PIK3C2G: variants seen among roughly 807,000 people sequenced by gnomAD.
PIK3C2G encodes the protein phosphatidylinositol 3-kinase C2 domain-containing subunit gamma.
In PIK3C2G, 168 loss-of-function variants were observed where a neutral mutation model predicts 181.1. The observed-to-expected ratio is 0.93, with a 90% CI of 0.82 to 1.05. The LOEUF (loss-of-function observed/expected upper bound fraction) is 1.05. PIK3C2G is among the 50% of genes least tolerant of loss of function. PIK3C2G has a pLI of 0.00. For synonymous variants in PIK3C2G, 573 were observed against 592.2 expected (o/e 0.97, Z 0.47); for missense variants, 1,869 against 1,732.8 (o/e 1.08, Z -1.40).
intron 1 of PIK3C2G, among the ~76,000 whole-genome samples, chr12:18,276,848 T>C (rs1380892155): frequency 6.6e-6 from 1 of 152,214 alleles, no homozygotes; most frequent in Non-Finnish European, 1.5e-5. Flanking sequence ...TTAAAGTCAA[T>C]ATCTCTCAAA....
the PIK3C2G span, among the ~76,000 whole-genome samples, chr12:18,686,156 T>C: frequency 2.0e-5 from 3 of 151,962 alleles, no homozygotes. Context: ...TGCCACGGCC[T>C]CCTTTATACC....
At chr12:18,481,562 CTTAA>C (rs1339555366) in intron 18 of PIK3C2G, among the ~76,000 whole-genome samples, 3 of 152,154 alleles carry the variant, frequency 2.0e-5, no homozygotes, top group Non-Finnish European at 4.4e-5. Context: ...AAGGATTTTA[CTTAA>C]TTATCATGAC....
intron 31 of PIK3C2G, among the ~76,000 whole-genome samples, chr12:18,622,813 A>G (rs1308794854): frequency 6.6e-6 from 1 of 151,486 alleles, no homozygotes; most frequent in African/African-American, 2.4e-5. Flanking sequence ...GATGTTGAGC[A>G]TTTTTTTCAT....
chr12:18,269,427 G>A (rs754818590), intron 1 of PIK3C2G, among the ~76,000 whole-genome samples: 1 of 152,058 alleles, frequency 6.6e-6, no homozygotes, highest in African/African-American at 2.4e-5. Context: ...CCTGCATCTG[G>A]GCAGAGGGCA....
At chr12:18,482,785 G>A (rs574927352) in intron 18 of PIK3C2G, among the ~76,000 whole-genome samples, 2 of 152,178 alleles carry the variant, frequency 1.3e-5, no homozygotes, top group Admixed American at 1.3e-4. Flanking sequence ...TTCCCCACTG[G>A]ACTTTGAAAG....
chr12:18,346,223 A>G (rs1939655945), intron 10 of PIK3C2G, among the ~76,000 whole-genome samples: 1 of 152,336 alleles, frequency 6.6e-6, no homozygotes, highest in East Asian at 1.9e-4. Context: ...TGATAGCATC[A>G]TCAAATTTAT....
chr12:18,591,112 A>G (rs1428658300), intron 29 of PIK3C2G, among the ~76,000 whole-genome samples: 2 of 151,942 alleles, frequency 1.3e-5, no homozygotes, highest in Admixed American at 6.6e-5. Flanking sequence ...CTTTCAAAAT[A>G]AAAAATCTTG....
In PIK3C2G at chr12:18,294,032, A is replaced by C. The variant is rs1374849962; in HGVS notation, c.1034+17A>C. ...TTTACAAAAGTAAGTATTTTATGAA[A>C]TTTTGGTTGTATTATAATCTGTAAA... On this transcript the variant is annotated intron_variant, in intron 5 of 32. Transcript: ENST00000538779. 6.6e-6 allele frequency: 8 copies of C among 1,209,904 alleles called. No individual in the cohort carries two copies. The highest frequency in any genetic ancestry group is 9.7e-6 in the Non-Finnish European group (8 of 821,342). 74.9% of individuals were successfully genotyped at this position (1,209,904 alleles called of 1,614,324 possible).
the PIK3C2G span, among the ~76,000 whole-genome samples, chr12:18,698,528 G>A: frequency 6.6e-6 from 1 of 152,120 alleles, no homozygotes; most frequent in Non-Finnish European, 1.5e-5. Flanking sequence ...AATCATTAAA[G>A]CTTTCAGAAT....
chr12:18,669,314 G>T, the PIK3C2G span, among the ~76,000 whole-genome samples: 1 of 152,062 alleles, frequency 6.6e-6, no homozygotes, highest in African/African-American at 2.4e-5. Context: ...TATATGTGTG[G>T]TCTCTTGTAT....
At chr12:18,349,858 C>T (rs548202947) in intron 11 of PIK3C2G, among the ~76,000 whole-genome samples, 1 of 152,252 alleles carries the variant, frequency 6.6e-6, no homozygotes, top group South Asian at 2.1e-4. Context: ...GTACCCAAAA[C>T]ATGTCCTGGC....
At chr12:18,721,032 T>A in the PIK3C2G span, among the ~76,000 whole-genome samples, 6 of 152,082 alleles carry the variant, frequency 3.9e-5, no homozygotes, top group Non-Finnish European at 8.8e-5. Flanking sequence ...TCAAGCCATA[T>A]AAATTTAGGA....
chr12:18,603,158 A>C (rs976784860), intron 30 of PIK3C2G, among the ~76,000 whole-genome samples: 1 of 152,202 alleles, frequency 6.6e-6, no homozygotes, highest in African/African-American at 2.4e-5. Context: ...ATATTCAAGG[A>C]AATAGATATC....
chr12:18,640,520 T>C lies in PIK3C2G; in HGVS notation c.4274T>C (p.Val1425Ala), dbSNP rs866444247. ...GTTCGTAGGAGGAAAACAAAATCTG[T>C]TCCAAAATGTACGGACCCCACTTAC... ...SEVRRRKTKS[V>A]PKCTDPTYNE... is the part of the protein sequence containing the mutation. Residue 1425 changes from valine (V) to alanine (A), a missense_variant, in exon 32 of 33, where the codon GTT (valine) becomes GCT (alanine). Physicochemically the swap from Val to Ala is moderately conservative, Grantham distance 64. Transcript: ENST00000538779. The C allele has an allele frequency of 6.2e-7, 1 of 1,603,776 alleles. No individual in the cohort carries two copies. Among genetic ancestry groups the C allele is most frequent in the Admixed American group, 1.7e-5 (1 of 58,832 alleles).
intron 31 of PIK3C2G, among the ~76,000 whole-genome samples, chr12:18,624,454 C>T (rs1409827327): frequency 6.6e-6 from 1 of 151,446 alleles, no homozygotes; most frequent in Admixed American, 6.6e-5. Flanking sequence ...TGAGGATTTT[C>T]ATGTCTATTA....
intron 8 of PIK3C2G, 107 bp from the exon 9 acceptor site, chr12:18,338,319 T>C (rs1047968030): frequency 8.3e-6 from 7 of 842,012 alleles, no homozygotes; most frequent in Non-Finnish European, 1.3e-5. Flanking sequence ...CAAACAAGCA[T>C]ATTTTATTCC....
intron 2 of PIK3C2G, among the ~76,000 whole-genome samples, chr12:18,283,699 C>A (rs1315163005): frequency 6.6e-6 from 1 of 152,076 alleles, no homozygotes; most frequent in African/African-American, 2.4e-5. Flanking sequence ...AATTCACTTG[C>A]AAAAGAGGTA....
intron 5 of PIK3C2G, among the ~76,000 whole-genome samples, chr12:18,313,298 A>C (rs1312608237): frequency 6.6e-6 from 1 of 152,220 alleles, no homozygotes; most frequent in African/African-American, 2.4e-5. Context: ...AAAGGAAGGA[A>C]GACAAAGAAA....
rs1293263849 is a variant in PIK3C2G at position 18,313,374 on chromosome 12, CTTTGATG to C, written c.1035-586_1035-580del. The stretch of plus-strand genomic sequence containing the variant: ...CTTTTGTTTATTCTGCTTGCTAACC[CTTTGATG>C]TAGACATTACTATTCCAACTCTAAA... On this transcript the variant is annotated intron_variant, in intron 5 of 32. Transcript: ENST00000538779. Among the ~76,000 whole-genome samples, 5 of 152,062 alleles carry C rather than the reference CTTTGATG, an allele frequency of 3.3e-5. No homozygotes were observed. In the East Asian group the frequency reaches 9.6e-4, roughly 29 times the overall value.
Sources: gnomAD v4.1 joint callset for allele counts (sites outside exome capture counted in the v4.1 genomes callset) on GRCh38, gnomAD v4.1.1 for gene constraint, MANE v1.5 for transcripts, NCBI Gene and HGNC (gene_info 2026-07-23, HGNC 2026-07-21) for gene names.